Variants in INPP5F observed in about 807,000 individuals in gnomAD.
The protein encoded by INPP5F is phosphatidylinositide 4-phosphatase SAC2.
A neutral mutation model predicts 137.2 loss-of-function variants in INPP5F; 97 were observed. The observed-to-expected ratio is 0.71, with a 90% confidence interval of 0.60 to 0.84. The LOEUF is 0.84. Among genes scored for constraint, INPP5F ranks in the 40% least tolerant of loss-of-function variants. The pLI is 0.00. For missense variants in INPP5F, 1,271 were observed against 1,371.9 expected (o/e 0.93, Z 1.16); for synonymous variants, 504 against 476.9 (o/e 1.06, Z -0.74).
At chr10:119,726,544 CA>C (rs1383667565) in intron 1 of INPP5F, among the ~76,000 whole-genome samples, 185 bp downstream of exon 1, 1 of 152,214 alleles carries the variant, frequency 6.6e-6, no homozygotes, top group Non-Finnish European at 1.5e-5. Context: ...TTCTCCGAGA[CA>C]GCGCCGAGCC....
chr10:119,785,283 A>ATTTTTTTTTTTTTT, intron 3 of INPP5F, among the ~76,000 whole-genome samples: 1 of 83,394 alleles, frequency 1.2e-5, no homozygotes, highest in Non-Finnish European at 2.6e-5. Flanking sequence ...GAACTGCCAG[A>ATTTTTTTTTTTTTT]CTGTTTTTTT....
At chr10:119,755,118 C>T (rs1049559814) in intron 2 of INPP5F, among the ~76,000 whole-genome samples, 2 of 152,196 alleles carry the variant, frequency 1.3e-5, no homozygotes, top group Admixed American at 1.3e-4. Flanking sequence ...TGCCGCTGTT[C>T]CTGACTGTCA....
intron 2 of INPP5F, among the ~76,000 whole-genome samples, chr10:119,756,356 C>T (rs1013281027): frequency 1.3e-5 from 2 of 152,010 alleles, no homozygotes; most frequent in Non-Finnish European, 2.9e-5. Context: ...AAGTCACAGG[C>T]CCGACATGGT....
intron 6 of INPP5F, among the ~76,000 whole-genome samples, chr10:119,795,259 A>AG (rs1850324311): frequency 6.9e-6 from 1 of 145,516 alleles, no homozygotes; most frequent in South Asian, 2.2e-4. Flanking sequence ...CGGGGGGCTG[A>AG]CCCCCCTACC....
At position 119,748,784 on chromosome 10, in the gene INPP5F, C is replaced by T. The variant is rs907060973; in HGVS notation, c.98-2292C>T. 1.3e-4 allele frequency among the ~76,000 whole-genome samples: 20 copies of T among 152,204 alleles called. No homozygotes were observed. The highest frequency in any genetic ancestry group is 4.8e-4 in the African/African-American group (20 of 41,450). ...AGCACCCTGAGTTCTTACTCCAGCT[C>T]ACGGACTCCACCCGGAACCTGCAGC... On this transcript the variant is annotated intron_variant, in intron 1 of 19. Transcript: ENST00000650623. This position sits in a 1 kb window ranked among gnomAD's most constrained non-coding sequence, Gnocchi z 4.7.
rs146380100 is a variant in INPP5F, at chr10:119,827,079, C to G, written c.2698C>G (p.Arg900Gly). The G allele has an allele frequency of 3.3e-5, 54 of 1,614,110 alleles. No homozygotes were observed. Among genetic ancestry groups the G allele is most frequent in the Non-Finnish European group, 3.8e-5 (45 of 1,180,010 alleles). The change falls in exon 20 of 20, where the codon CGA becomes GGA. Residue 900 changes from arginine (R) to glycine (G), a missense_variant. Physicochemically the swap from Arg to Gly is moderately radical, Grantham distance 125. Around this residue, in one of 6 missense-constraint regions of INPP5F, gnomAD observed 490 missense variants for 443.7 expected, o/e 1.10. Transcript: ENST00000650623. ...PSCGIIASAP[R>G]LGSRSQSLSS... The stretch of plus-strand genomic sequence containing the variant: ...TTGTGGTATTATTGCCTCAGCGCCT[C>G]GATTGGGCAGTCGGTCCCAGTCTCT...
intron 1 of INPP5F, among the ~76,000 whole-genome samples, chr10:119,739,420 T>G (rs959573011): frequency 6.6e-6 from 1 of 152,188 alleles, no homozygotes; most frequent in Non-Finnish European, 1.5e-5. Flanking sequence ...ATAAAAACTT[T>G]AGATGGTATT....
intron 3 of INPP5F, among the ~76,000 whole-genome samples, chr10:119,784,200 A>T (rs1258404564): frequency 6.6e-6 from 1 of 152,190 alleles, no homozygotes; most frequent in Admixed American, 6.5e-5. Flanking sequence ...TCCTTTTTAA[A>T]TTGTTTTTTG....
intron 1 of INPP5F, among the ~76,000 whole-genome samples, chr10:119,744,412 GT>G (rs1262342016): frequency 6.6e-5 from 10 of 152,030 alleles, no homozygotes; most frequent in African/African-American, 2.4e-4. Flanking sequence ...CTCCATTTCT[GT>G]GTTTAGCCTT....
intron 6 of INPP5F, among the ~76,000 whole-genome samples, chr10:119,795,009 G>A (rs1298755861): frequency 2.3e-5 from 3 of 132,488 alleles, no homozygotes; most frequent in Non-Finnish European, 4.9e-5. Context: ...CGGATGGGGC[G>A]GCTGGCCGGG....
At chr10:119,794,436 G>A (rs1382443615) in intron 6 of INPP5F, among the ~76,000 whole-genome samples, 1 of 152,016 alleles carries the variant, frequency 6.6e-6, no homozygotes, top group Non-Finnish European at 1.5e-5. Flanking sequence ...CACAGACACG[G>A]CAACCATCCG....
chr10:119,772,256 CTG>C (rs1849388902), intron 2 of INPP5F, among the ~76,000 whole-genome samples: 1 of 151,932 alleles, frequency 6.6e-6, no homozygotes, highest in African/African-American at 2.4e-5. Flanking sequence ...TATTGAGGAA[CTG>C]TTGCACAAGG....
intron 3 of INPP5F, among the ~76,000 whole-genome samples, 165 bp from the exon 4 acceptor site, chr10:119,791,352 T>A (rs1017932552): frequency 6.6e-6 from 1 of 152,242 alleles, no homozygotes; most frequent in African/African-American, 2.4e-5. Flanking sequence ...TTTCTCATCA[T>A]GGGACTCATA....
chr10:119,726,303 A>G lies in INPP5F; in HGVS notation c.41A>G (p.Gln14Arg). Residue 14 changes from glutamine to arginine, a missense_variant, in exon 1 of 20, where the codon CAG (glutamine) becomes CGG (arginine). This residue lies in a region of INPP5F where 109 missense variants were observed against 105.1 expected (regional missense o/e 1.04). Transcript: ENST00000650623. Reference protein sequence around the residue: ...FQAKDHYILQQGERALWCSRR... With the variant: ...FQAKDHYILQRGERALWCSRR... ...GCCAAGGACCACTACATCCTGCAGC[A>G]GGGCGAGCGCGCGCTGTGGTGCAGC... 6.7e-7 allele frequency: 1 copy of G among 1,487,470 alleles called. No individual in the cohort carries two copies. Among genetic ancestry groups the G allele is most frequent in the Non-Finnish European group, 8.9e-7 (1 of 1,117,664 alleles). 92.1% of individuals were successfully genotyped at this position (1,487,470 alleles called of 1,614,324 possible).
Position 119,785,286 on chromosome 10 carries a change from G to GTTTTTTTTTTTTTTTTTTTTTT in INPP5F, c.315+3531_315+3532insTTTTTTTTTTTTTTTTTTTTTT, listed in dbSNP as rs71019717. ...TAACCTTTTGTGGAACTGCCAGACT[G>GTTTTTTTTTTTTTTTTTTTTTT]TTTTTTTTTTTTTTTTGGAGACGGA... On this transcript the variant is annotated intron_variant, in intron 3 of 19. Transcript: ENST00000650623. 4.4e-4 allele frequency among the ~76,000 whole-genome samples: 47 copies of GTTTTTTTTTTTTTTTTTTTTTT among 106,226 alleles called. 3 individuals carry two copies. The highest frequency in any genetic ancestry group is 1.6e-3 in the East Asian group (6 of 3,844). 69.7% of individuals were successfully genotyped at this position (106,226 alleles called of 152,430 possible).
Position 119,827,715 on chromosome 10 carries a change from C to T in INPP5F, c.3334C>T (p.Gln1112Ter). The T allele has an allele frequency of 6.2e-7, 1 of 1,613,540 alleles. No individual in the cohort carries two copies. Among genetic ancestry groups the T allele is most frequent in the Non-Finnish European group, 8.5e-7 (1 of 1,179,596 alleles). ...TCCTCCAGAACCTGAAATCATTAATCAAGTCCAGCAAAATGAACTTAAAAA... is the reference window on the plus strand; with the variant it reads ...TCCTCCAGAACCTGAAATCATTAATTAAGTCCAGCAAAATGAACTTAAAAA... Reference protein sequence around the residue: ...KSPPEPEIINQVQQNELKKMF... With the variant: ...KSPPEPEIIN Residue 1112 changes from glutamine (Q) to a stop codon, truncating the protein, a stop_gained, in exon 20 of 20, where the codon CAA (glutamine) becomes TAA (stop). Coordinates refer to ENST00000650623, the MANE Select transcript of INPP5F (RefSeq NM_014937.4). LOFTEE classifies it high-confidence loss of function.
intron 2 of INPP5F, among the ~76,000 whole-genome samples, chr10:119,778,413 T>C (rs1411115597): frequency 6.6e-6 from 1 of 152,180 alleles, no homozygotes; most frequent in East Asian, 1.9e-4. Flanking sequence ...TGGGGTCTAA[T>C]TGGGGAGTAC....
At chr10:119,817,951 T>C (rs1322513134) in intron 15 of INPP5F, among the ~76,000 whole-genome samples, 1 of 152,220 alleles carries the variant, frequency 6.6e-6, no homozygotes, top group African/African-American at 2.4e-5. Flanking sequence ...TGCGTTTAAA[T>C]ATCTGGTGGA....
At chr10:119,741,258 G>T (rs906398553) in intron 1 of INPP5F, among the ~76,000 whole-genome samples, 4 of 152,168 alleles carry the variant, frequency 2.6e-5, no homozygotes, top group African/African-American at 9.7e-5. Flanking sequence ...GCCCCTTCAT[G>T]TTCATCCTCT....
Sources: gnomAD v4.1 joint callset for allele counts (sites outside exome capture counted in the v4.1 genomes callset) on GRCh38, gnomAD v4.1.1 for gene constraint, gnomAD v4.1.1 regional missense constraint, Gnocchi (gnomAD v3.1) non-coding constraint, MANE v1.5 for transcripts, NCBI Gene and HGNC (gene_info 2026-07-23, HGNC 2026-07-21) for gene names.